SBNO2: variants seen among roughly 807,000 people sequenced by gnomAD.
SBNO2 encodes strawberry notch homolog 2.
SBNO2 carries 89 observed loss-of-function variants against 146.3 expected under a neutral mutation model. The observed-to-expected ratio is 0.61, with a 90% CI of 0.51 to 0.73. SBNO2 has a LOEUF of 0.73. Ranked by LOEUF, SBNO2 falls within the 30% of genes least tolerant of loss-of-function variation. The pLI is 0.00. For missense variants in SBNO2, 2,092 were observed against 2,003.7 expected (o/e 1.04, Z -0.84); for synonymous variants, 1,147 against 892.6 (o/e 1.29, Z -5.08).
chr19:1,122,407 C>CCCCCACTTTGCAGGGCACGGT (rs1196100693), intron 10 of SBNO2, 61 bp downstream of exon 10: 3 of 1,526,208 alleles, frequency 2.0e-6, no homozygotes, highest in African/African-American at 2.8e-5. Context: ...AGCTGAGCAG[C>CCCCCACTTTGCAGGGCACGGT]CCCCACTTTG....
chr19:1,119,308 C>G, intron 13 of SBNO2, 144 bp from the exon 14 acceptor site: 1 of 1,104,410 alleles, frequency 9.1e-7, no homozygotes, highest in Non-Finnish European at 1.3e-6. Context: ...GGCAGCTGAG[C>G]CTGGCGGGGA....
chr19:1,146,228 G>A (rs1420820355), intron 4 of SBNO2, among the ~76,000 whole-genome samples: 1 of 152,088 alleles, frequency 6.6e-6, no homozygotes, highest in African/African-American at 2.4e-5. Flanking sequence ...AGACTCTACT[G>A]GGGAGGCGGA....
At chr19:1,139,036 A>C (rs1437582523) in intron 4 of SBNO2, among the ~76,000 whole-genome samples, 1 of 152,050 alleles carries the variant, frequency 6.6e-6, no homozygotes, top group Non-Finnish European at 1.5e-5. Context: ...CCACGCGTCT[A>C]TCATGAACAA....
At position 1,112,872 on chromosome 19, in the gene SBNO2, C is replaced by A; in HGVS notation, c.2325G>T (p.Leu775=). ...VAFESRAEQG[L]SIDHVNLREK... The stretch of plus-strand genomic sequence containing the variant: ...CCCTGAGGTTCACGTGGTCGATGGA[C>A]AGACCCTGCTCTGCCCGCGACTCGA... Residue 775 remains leucine, a synonymous_variant, in exon 20 of 32, where the codon CTG becomes CTT. Coordinates refer to ENST00000361757, the MANE Select transcript of SBNO2 (RefSeq NM_014963.3). This position sits in a 1 kb window ranked among gnomAD's most constrained non-coding sequence, Gnocchi z 5.9. The A allele has an allele frequency of 6.3e-7, 1 of 1,575,266 alleles. No individual in the cohort carries two copies. Among genetic ancestry groups the A allele is most frequent in the South Asian group, 1.2e-5 (1 of 85,876 alleles).
Position 1,136,481 on chromosome 19 carries a change from C to T in SBNO2, c.280-8716G>A, listed in dbSNP as rs1300783636. On this transcript the variant is annotated intron_variant, in intron 4 of 31. Coordinates refer to ENST00000361757, the MANE Select transcript of SBNO2 (RefSeq NM_014963.3). This position sits in a 1 kb window ranked among gnomAD's most constrained non-coding sequence, Gnocchi z 4.2. ...TAAGGCTGTCTGTGGGCGGCTCTGC[C>T]GGCCCCTCCTGCACCTGCCCAGGCC... 1.3e-5 allele frequency among the ~76,000 whole-genome samples: 2 copies of T among 152,188 alleles called. No homozygotes were observed. Among genetic ancestry groups the T allele is most frequent in the Middle Eastern group, 3.2e-3 (1 of 316 alleles).
chr19:1,108,745 T>C, intron 31 of SBNO2, 34 bp downstream of exon 31: 8 of 1,589,552 alleles, frequency 5.0e-6, no homozygotes, highest in Non-Finnish European at 6.8e-6. Context: ...CGCTGGGGGC[T>C]CGGGCCTTCC....
Position 1,109,365 on chromosome 19 carries a change from G to C in SBNO2, c.3275C>G (p.Thr1092Arg). 5 of 1,584,670 alleles carry C rather than the reference G, an allele frequency of 3.2e-6. No homozygotes were observed. The highest frequency in any genetic ancestry group is 4.3e-6 in the Non-Finnish European group (5 of 1,166,494). Residue 1092 changes from threonine (T) to arginine (R), a missense_variant, in exon 29 of 32, where the codon ACG becomes AGG. Transcript: ENST00000361757. The surrounding 1 kb of genome is among the most constrained non-coding windows in gnomAD (Gnocchi z 4.2). ...CCGGCCGATGTTGGGCTTGTACACC[G>C]TGAAGAACTGGCCGCGGTTCTGCTC... is the stretch of plus-strand genomic sequence containing the variant. ...LAEQNRGQFFTVYKPNIGRQS... is the reference protein window; with the variant it reads ...LAEQNRGQFFRVYKPNIGRQS...
chr19:1,147,456 G>C (rs762117796), intron 3 of SBNO2, 36 bp from the exon 4 acceptor site: 2 of 1,121,398 alleles, frequency 1.8e-6, no homozygotes, highest in South Asian at 1.5e-5. Flanking sequence ...GTGAGATGGG[G>C]TGCTCAACCC....
chr19:1,120,626 C>T (rs1479506744), intron 11 of SBNO2, among the ~76,000 whole-genome samples: 1 of 152,148 alleles, frequency 6.6e-6, no homozygotes, highest in East Asian at 1.9e-4. Flanking sequence ...CTGCCTCAGC[C>T]TCCCAAAGTG....
At chr19:1,169,005 G>A (rs1198428790) in intron 1 of SBNO2, 1 of 152,278 alleles carries the variant, frequency 6.6e-6, no homozygotes, top group African/African-American at 2.4e-5. Flanking sequence ...TGGAACCAAG[G>A]CCAAGGCCGC....
intron 3 of SBNO2, 143 bp from the exon 4 acceptor site, chr19:1,147,563 G>C (rs541449701): frequency 2.6e-5 from 14 of 529,620 alleles, no homozygotes; most frequent in Non-Finnish European, 4.6e-5. Context: ...CCATGGCCCC[G>C]CTGCACATAC....
chr19:1,122,438 GC>G, intron 10 of SBNO2, 29 bp downstream of exon 10: 2 of 1,554,508 alleles, frequency 1.3e-6, no homozygotes, highest in Non-Finnish European at 8.7e-7. Flanking sequence ...TCCCCACCTT[GC>G]CCCCTACTTT....
Position 1,127,596 on chromosome 19 carries a change from G to A in SBNO2, c.441+8C>T, listed in dbSNP as rs762873881. 1.3e-5 allele frequency: 21 copies of A among 1,610,916 alleles called. No homozygotes were observed. In the African/African-American group the frequency reaches 1.5e-4, roughly 11 times the overall value. Reference sequence around the variant, plus strand: ...TCGGGGCTGGCTGGGGGCACCGGGCGCACTGACCTTATCGTGGGTGGAGGG... The same window carrying A: ...TCGGGGCTGGCTGGGGGCACCGGGCACACTGACCTTATCGTGGGTGGAGGG... On this transcript the variant is annotated splice_region_variant and intron_variant, in intron 5 of 31. Transcript: ENST00000361757.
chr19:1,111,218 G>T, intron 24 of SBNO2, 125 bp from the exon 25 acceptor site: 1 of 1,061,662 alleles, frequency 9.4e-7, no homozygotes, highest in Non-Finnish European at 1.3e-6. Context: ...CCTAGGGCCA[G>T]GGCCAGGGCC....
In SBNO2 at chr19:1,140,160, C is replaced by T. The variant is rs935137435; in HGVS notation, c.279+7149G>A. On this transcript the variant is annotated intron_variant, in intron 4 of 31. Transcript: ENST00000361757. The surrounding 1 kb of genome is among the most constrained non-coding windows in gnomAD (Gnocchi z 4.4). ...TAAAAAACACAAAAAATTAGCTGGG[C>T]GTGGTGGTGGGCACCTGTAGTCCCA... 5.9e-5 allele frequency among the ~76,000 whole-genome samples: 9 copies of T among 151,550 alleles called. No individual in the cohort carries two copies. Among genetic ancestry groups the T allele is most frequent in the South Asian group, 2.1e-4 (1 of 4,800 alleles).
rs1379906639 is a variant in SBNO2, at chr19:1,108,443, G to A, written c.3878C>T (p.Thr1293Ile). The change falls in exon 32 of 32, where the codon ACC becomes ATC. Residue 1293 changes from threonine to isoleucine, a missense_variant. Thr to Ile is a moderately conservative substitution (Grantham distance 89). Transcript: ENST00000361757. ...DAGPGVVPLG[T>I]PDAQADPAAL... is the part of the protein sequence containing the mutation. The stretch of plus-strand genomic sequence containing the variant: ...CGCAGGGTCGGCCTGGGCGTCGGGG[G>A]TGCCCAGCGGCACGACGCCGGGGCC... The A allele has an allele frequency of 1.6e-6, 2 of 1,244,366 alleles. No individual in the cohort carries two copies. Among genetic ancestry groups the A allele is most frequent in the Admixed American group, 4.6e-5 (1 of 21,868 alleles). The allele number at this position is 1,244,366 out of a possible 1,614,324, so 77.1% of individuals were successfully genotyped here.
chr19:1,167,138 C>T (rs2080433542), intron 1 of SBNO2, among the ~76,000 whole-genome samples: 1 of 152,292 alleles, frequency 6.6e-6, no homozygotes, highest in Admixed American at 6.5e-5. Flanking sequence ...GAGACTTCAG[C>T]GCTGACTGCT....
chr19:1,138,919 A>G (rs143711302), intron 4 of SBNO2, among the ~76,000 whole-genome samples: 4,954 of 145,368 alleles, frequency 0.034, 86 homozygotes, highest in Middle Eastern at 0.076. Context: ...CGTCCATCAC[A>G]GACAGACACA....
Position 1,163,858 on chromosome 19 carries a change from G to A in SBNO2, c.-126-9456C>T, listed in dbSNP as rs370499070. 5.1e-4 allele frequency among the ~76,000 whole-genome samples: 77 copies of A among 152,314 alleles called. 1 individual carries two copies. In the East Asian group the frequency reaches 6.2e-3, roughly 12 times the overall value. ...GGCGAGCAAGTTCTCCCCGCCCCACGAGGAACGGCAGTGGCCCCGGTTGCC... is the reference window on the plus strand; with the variant it reads ...GGCGAGCAAGTTCTCCCCGCCCCACAAGGAACGGCAGTGGCCCCGGTTGCC... On this transcript the variant is annotated intron_variant, in intron 1 of 31. Coordinates refer to ENST00000361757, the MANE Select transcript of SBNO2 (RefSeq NM_014963.3).
Sources: gnomAD v4.1 joint callset for allele counts (sites outside exome capture counted in the v4.1 genomes callset) on GRCh38, gnomAD v4.1.1 for gene constraint, Gnocchi (gnomAD v3.1) non-coding constraint, MANE v1.5 for transcripts, NCBI Gene and HGNC (gene_info 2026-07-23, HGNC 2026-07-21) for gene names.